PSMD14: variants seen among roughly 807,000 people sequenced by gnomAD.
PSMD14 encodes the protein ubiquitin C-terminal hydrolase PSMD14.
PSMD14 carries 7 observed loss-of-function variants against 41.2 expected under a neutral mutation model. That is an observed-to-expected ratio of 0.17 (90% CI 0.10 to 0.32). PSMD14 has a LOEUF of 0.32. Among genes scored for constraint, PSMD14 ranks in the 10% least tolerant of loss-of-function variants. The pLI is 1.00. For missense variants in PSMD14, 139 were observed against 375.6 expected (o/e 0.37, Z 5.21); for synonymous variants, 114 against 122.3 (o/e 0.93, Z 0.45).
chr2:161,340,950 G>A (rs1682946452), intron 3 of PSMD14: 1 of 1,613,306 alleles, frequency 6.2e-7, no homozygotes, highest in African/African-American at 1.3e-5. Flanking sequence ...TTCCGATGAT[G>A]GCCCCTTCTC....
chr2:161,337,669 T>C (rs965307076), intron 3 of PSMD14, among the ~76,000 whole-genome samples: 1 of 152,212 alleles, frequency 6.6e-6, no homozygotes, highest in Admixed American at 6.5e-5. Flanking sequence ...ATGGTGACGG[T>C]CCCATGGCTG....
intron 7 of PSMD14, chr2:161,384,789 T>C (rs1225281054): frequency 2.6e-5 from 4 of 151,856 alleles, no homozygotes; most frequent in South Asian, 2.1e-4. Context: ...AATATACTTA[T>C]TGTAATATCT....
At chr2:161,392,264 C>T (rs1018292296) in intron 9 of PSMD14, among the ~76,000 whole-genome samples, 12 of 152,248 alleles carry the variant, frequency 7.9e-5, no homozygotes, top group African/African-American at 2.9e-4. Context: ...TTTAAAAGAA[C>T]ACTGAGTTTA....
At chr2:161,407,043 C>G (rs574792653) in intron 10 of PSMD14, among the ~76,000 whole-genome samples, 1 of 152,184 alleles carries the variant, frequency 6.6e-6, no homozygotes, top group African/African-American at 2.4e-5. Context: ...ATTTTTGCCT[C>G]CTTCCAATAC....
intron 9 of PSMD14, among the ~76,000 whole-genome samples, chr2:161,392,514 A>G (rs1006998615): frequency 9.9e-5 from 15 of 151,748 alleles, no homozygotes; most frequent in Non-Finnish European, 1.9e-4. Context: ...GCTGGGGGGG[A>G]GGATGTGCAA....
At chr2:161,315,933 T>C (rs2105229424) in intron 1 of PSMD14, among the ~76,000 whole-genome samples, 1 of 150,786 alleles carries the variant, frequency 6.6e-6, no homozygotes, top group East Asian at 2.0e-4. Flanking sequence ...AATCCACCTC[T>C]GGGGTTCAAG....
chr2:161,365,198 A>G (rs1445623683), intron 3 of PSMD14, among the ~76,000 whole-genome samples: 1 of 152,224 alleles, frequency 6.6e-6, no homozygotes, highest in African/African-American at 2.4e-5. Context: ...TTTCTGAATC[A>G]GAAGAAAATC....
chr2:161,402,718 A>G (rs1683896839), intron 10 of PSMD14, among the ~76,000 whole-genome samples: 1 of 152,154 alleles, frequency 6.6e-6, no homozygotes, highest in South Asian at 2.1e-4. Flanking sequence ...AAGAAACTAT[A>G]AAGAACTCTT....
intron 1 of PSMD14, among the ~76,000 whole-genome samples, chr2:161,313,392 C>T (rs1348412083): frequency 6.6e-6 from 1 of 152,144 alleles, no homozygotes; most frequent in African/African-American, 2.4e-5. Flanking sequence ...CTGTGTCGCC[C>T]AGGCTGGAGT....
At chr2:161,389,249 T>C (rs554919204) in intron 8 of PSMD14, among the ~76,000 whole-genome samples, 1 of 152,274 alleles carries the variant, frequency 6.6e-6, no homozygotes, top group East Asian at 1.9e-4. Flanking sequence ...CCATGTAGGG[T>C]TGTGCAAGTA....
intron 10 of PSMD14, among the ~76,000 whole-genome samples, chr2:161,405,284 C>G (rs1683934293): frequency 1.3e-5 from 2 of 152,138 alleles, no homozygotes; most frequent in African/African-American, 4.8e-5. Context: ...CTCATCCTGA[C>G]TCTCCCTCTG....
At chr2:161,371,043 G>A in intron 6 of PSMD14, 129 bp from the exon 7 acceptor site, 1 of 1,020,622 alleles carries the variant, frequency 9.8e-7, no homozygotes, top group Non-Finnish European at 1.4e-6. Flanking sequence ...GGTTTCTAAT[G>A]GTGCTTTTTC....
chr2:161,350,940 A>G (rs1683110261), intron 3 of PSMD14, among the ~76,000 whole-genome samples: 1 of 152,162 alleles, frequency 6.6e-6, no homozygotes, highest in South Asian at 2.1e-4. Flanking sequence ...GTTTCTTCTC[A>G]TCATTGCCTC....
intron 3 of PSMD14, among the ~76,000 whole-genome samples, chr2:161,335,285 T>A (rs921219807): frequency 3.3e-5 from 5 of 152,200 alleles, no homozygotes; most frequent in African/African-American, 1.2e-4. Context: ...TAATTCTATG[T>A]TAGTATTGTC....
At chr2:161,381,372 C>T (rs1414654369) in intron 7 of PSMD14, 1 of 151,648 alleles carries the variant, frequency 6.6e-6, no homozygotes, top group Non-Finnish European at 1.5e-5. Flanking sequence ...TACTTCTACT[C>T]TGTGTAGATA....
chr2:161,361,250 A>G (rs551860076), intron 3 of PSMD14, among the ~76,000 whole-genome samples: 114 of 152,348 alleles, frequency 7.5e-4, no homozygotes, highest in African/African-American at 2.6e-3. Flanking sequence ...AAAAATTAAA[A>G]TAGAATATGT....
intron 1 of PSMD14, among the ~76,000 whole-genome samples, chr2:161,314,944 C>T (rs1221235457): frequency 1.3e-5 from 2 of 152,098 alleles, no homozygotes; most frequent in Admixed American, 6.6e-5. Context: ...GTTGCTGGAT[C>T]GAGTGGTAAT....
intron 4 of PSMD14, 33 bp downstream of exon 4, chr2:161,367,582 A>G (rs1409251871): frequency 6.5e-7 from 1 of 1,538,772 alleles, no homozygotes; most frequent in Non-Finnish European, 8.9e-7. Context: ...TGCTTTAGAG[A>G]ACTCTGTTGC....
intron 8 of PSMD14, among the ~76,000 whole-genome samples, chr2:161,389,052 GCTGT>G (rs967340514): frequency 4.6e-5 from 7 of 152,240 alleles, no homozygotes; most frequent in South Asian, 4.1e-4. Flanking sequence ...GATCTTTCAT[GCTGT>G]CTGTGTTAGT....
Sources: allele counts gnomAD v4.1 joint callset (sites outside exome capture counted in the v4.1 genomes callset), GRCh38; gene constraint gnomAD v4.1.1; transcripts MANE v1.5; gene names NCBI Gene and HGNC (gene_info 2026-07-23, HGNC 2026-07-21).